Variants in LRRTM4 observed in about 807,000 individuals in gnomAD.
LRRTM4 encodes leucine rich repeat transmembrane neuronal 4.
Under a neutral mutation model 47.6 loss-of-function variants are expected in LRRTM4, and 25 were observed. That is an observed-to-expected ratio of 0.53 (90% CI 0.38 to 0.73). The LOEUF (loss-of-function observed/expected upper bound fraction) is 0.73, where lower values mean the gene tolerates loss of function less well. Among genes scored for constraint, LRRTM4 ranks in the 30% least tolerant of loss-of-function variants. The pLI, the probability that LRRTM4 is intolerant of heterozygous loss-of-function variation, is 0.00. For synonymous variants in LRRTM4, 311 were observed against 269.5 expected (o/e 1.15, Z -1.51); for missense variants, 638 against 713.4 (o/e 0.89, Z 1.20).
chr2:77,323,114 C>A (rs1670605860), intron 3 of LRRTM4, among the ~76,000 whole-genome samples: 1 of 152,020 alleles, frequency 6.6e-6, no homozygotes. Context: ...ACACCTGGCT[C>A]TGTGCTTCTA....
chr2:77,079,196 G>T (rs1680446413), intron 3 of LRRTM4, among the ~76,000 whole-genome samples: 1 of 152,166 alleles, frequency 6.6e-6, no homozygotes, highest in South Asian at 2.1e-4. Flanking sequence ...GCCAGTAATA[G>T]ATTTGTACTT....
chr2:77,379,298 A>C (rs1158605125), intron 3 of LRRTM4, among the ~76,000 whole-genome samples: 2 of 152,038 alleles, frequency 1.3e-5, no homozygotes, highest in Admixed American at 6.6e-5. Flanking sequence ...TTCCCCCGCT[A>C]TCTTTTCACT....
At chr2:77,494,588 A>AT (rs34983876) in intron 3 of LRRTM4, among the ~76,000 whole-genome samples, 40,232 of 148,694 alleles carry the variant, frequency 0.27, 5,685 homozygotes, top group Admixed American at 0.38. Context: ...TGCTTTTCCC[A>AT]TTTTTTTTTT....
At chr2:77,032,157 T>A (rs1170436155) in intron 3 of LRRTM4, among the ~76,000 whole-genome samples, 2 of 152,114 alleles carry the variant, frequency 1.3e-5, no homozygotes, top group Non-Finnish European at 2.9e-5. Flanking sequence ...TGCAGTGACT[T>A]TCACATACAG....
At chr2:77,381,375 G>T (rs942564850) in intron 3 of LRRTM4, among the ~76,000 whole-genome samples, 1 of 151,970 alleles carries the variant, frequency 6.6e-6, no homozygotes, top group Non-Finnish European at 1.5e-5. Context: ...TTGTATAGAT[G>T]ATATCATTAA....
In LRRTM4 at chr2:77,483,059, T is replaced by A. The variant is rs542608108; in HGVS notation, c.1551+35259A>T. Among the ~76,000 whole-genome samples the A allele has an allele frequency of 8.6e-3, 1,115 of 129,342 alleles. 11 individuals are homozygous for A. The highest frequency in any genetic ancestry group is 9.2e-3 in the Non-Finnish European group (601 of 65,194). 84.9% of individuals were successfully genotyped at this position (129,342 alleles called of 152,430 possible). On this transcript the variant is annotated intron_variant, in intron 3 of 3. Coordinates refer to ENST00000409884, the MANE Select transcript of LRRTM4 (RefSeq NM_001134745.3). The stretch of plus-strand genomic sequence containing the variant: ...TTGCTTGAACCTGAGAGGCAGAGGT[T>A]GCAGCGAGCCGAGATTGTGCCATTG...
Position 76,808,445 on chromosome 2 carries a change from G to GAAA in LRRTM4, c.1552-59532_1552-59530dup, listed in dbSNP as rs369001552. Among the ~76,000 whole-genome samples, 122 of 147,200 alleles carry GAAA rather than the reference G, an allele frequency of 8.3e-4. 1 individual carries two copies. In the East Asian group the frequency reaches 0.019, roughly 22 times the overall value. On this transcript the variant is annotated intron_variant, in intron 3 of 3. Coordinates refer to ENST00000409884, the MANE Select transcript of LRRTM4 (RefSeq NM_001134745.3). ...GAAAATATATATACATTGATTTTGG[G>GAAA]AAAAAAAAAAAGAATACATAGACCT...
At chr2:76,833,399 A>G (rs1021690655) in intron 3 of LRRTM4, among the ~76,000 whole-genome samples, 1 of 152,056 alleles carries the variant, frequency 6.6e-6, no homozygotes, top group Non-Finnish European at 1.5e-5. Context: ...CACTAAACAT[A>G]TTTTATCTCA....
At chr2:76,910,594 A>C (rs1174494598) in intron 3 of LRRTM4, among the ~76,000 whole-genome samples, 1 of 152,244 alleles carries the variant, frequency 6.6e-6, no homozygotes, top group East Asian at 1.9e-4. Context: ...TTTCCCATAA[A>C]GAATGTATGT....
At chr2:76,891,685 T>C (rs1022185493) in intron 3 of LRRTM4, among the ~76,000 whole-genome samples, 2 of 151,748 alleles carry the variant, frequency 1.3e-5, no homozygotes, top group South Asian at 2.1e-4. Context: ...AAACATGAAA[T>C]TGGATTCATA....
intron 3 of LRRTM4, among the ~76,000 whole-genome samples, chr2:77,457,273 T>A (rs1424558044): frequency 1.3e-5 from 2 of 152,070 alleles, no homozygotes; most frequent in Non-Finnish European, 2.9e-5. Context: ...TTCTCTCAGA[T>A]TTTTATCTCT....
chr2:77,181,534 A>G (rs1325735967), intron 3 of LRRTM4, among the ~76,000 whole-genome samples: 1 of 152,174 alleles, frequency 6.6e-6, no homozygotes, highest in Non-Finnish European at 1.5e-5. Context: ...CAAAAAAGGA[A>G]TACAAGATTT....
chr2:77,181,483 A>G (rs1238549950), intron 3 of LRRTM4, among the ~76,000 whole-genome samples: 1 of 152,186 alleles, frequency 6.6e-6, no homozygotes, highest in Non-Finnish European at 1.5e-5. Context: ...AAGGAAGGAC[A>G]CTGGTACCCT....
At chr2:77,172,378 C>T (rs771823519) in intron 3 of LRRTM4, among the ~76,000 whole-genome samples, 10 of 151,988 alleles carry the variant, frequency 6.6e-5, no homozygotes, top group Admixed American at 3.3e-4. Context: ...GGGTAGATCA[C>T]GAGATCAGGA....
At chr2:77,477,338 C>T (rs1677444164) in intron 3 of LRRTM4, among the ~76,000 whole-genome samples, 2 of 152,086 alleles carry the variant, frequency 1.3e-5, no homozygotes. Context: ...ATCAGAAATA[C>T]TCTCATGCTG....
At chr2:77,230,282 C>A (rs1674928104) in intron 3 of LRRTM4, among the ~76,000 whole-genome samples, 1 of 152,062 alleles carries the variant, frequency 6.6e-6, no homozygotes. Context: ...TACTTTTAAT[C>A]CATATAGGTA....
intron 3 of LRRTM4, among the ~76,000 whole-genome samples, chr2:76,838,249 A>G (rs1462341213): frequency 6.6e-6 from 1 of 152,014 alleles, no homozygotes; most frequent in Non-Finnish European, 1.5e-5. Context: ...ACATCACCAT[A>G]AGAAATAATT....
At chr2:77,022,339 C>G (rs925091230) in intron 3 of LRRTM4, among the ~76,000 whole-genome samples, 2 of 152,142 alleles carry the variant, frequency 1.3e-5, no homozygotes, top group Non-Finnish European at 2.9e-5. Context: ...GATGGGGACA[C>G]AGAGCCAAAC....
chr2:77,513,673 C>A (rs1411198028), intron 3 of LRRTM4, among the ~76,000 whole-genome samples: 1 of 152,094 alleles, frequency 6.6e-6, no homozygotes, highest in East Asian at 1.9e-4. Context: ...TCAAGCGATT[C>A]TCTTGCCTCA....
Sources: allele counts gnomAD v4.1 joint callset (sites outside exome capture counted in the v4.1 genomes callset), GRCh38; gene constraint gnomAD v4.1.1; transcripts MANE v1.5; gene names NCBI Gene and HGNC (gene_info 2026-07-23, HGNC 2026-07-21).